The following CELA1 variants were observed in gnomAD, a reference collection of about 807,000 sequenced individuals.
CELA1 encodes the protein chymotrypsin like elastase 1.
In CELA1, 28 loss-of-function variants were observed where a neutral mutation model predicts 34.8. The observed-to-expected ratio is 0.80, with a 90% CI of 0.60 to 1.10. The LOEUF (loss-of-function observed/expected upper bound fraction) is 1.10. Among genes scored for constraint, CELA1 ranks in the 50% least tolerant of loss-of-function variants. The probability of loss-of-function intolerance (pLI) is 0.00; values close to 1 mark genes in which losing one functional copy is unlikely to be tolerated. For missense variants in CELA1, 288 were observed against 327.5 expected, an observed-to-expected ratio of 0.88 and a Z score of 0.93; for synonymous variants, 140 against 129.8, an observed-to-expected ratio of 1.08 and a Z score of -0.53.
chr12:51,346,042 T>G (rs1299886145), intron 1 of CELA1, among the ~76,000 whole-genome samples, 165 bp from the exon 2 acceptor site: 1 of 152,074 alleles, frequency 6.6e-6, no homozygotes, highest in African/African-American at 2.4e-5. Context: ...GAGCCCCTTT[T>G]GAAAACAGGG....
chr12:51,342,067 T>C (rs1221205537), intron 4 of CELA1, among the ~76,000 whole-genome samples: 1 of 152,034 alleles, frequency 6.6e-6, no homozygotes, highest in Non-Finnish European at 1.5e-5. Flanking sequence ...TGAGACAGAG[T>C]CTCACTCTGT....
intron 6 of CELA1, among the ~76,000 whole-genome samples, chr12:51,336,333 C>T (rs1946499247): frequency 1.3e-5 from 2 of 152,296 alleles, no homozygotes; most frequent in Middle Eastern, 3.4e-3. Context: ...GCTCTTCCCC[C>T]AGGCCCCACT....
At chr12:51,342,517 G>A (rs1946542281) in intron 4 of CELA1, 58 bp downstream of exon 4, 1 of 1,611,414 alleles carries the variant, frequency 6.2e-7, no homozygotes, top group Admixed American at 1.7e-5. Flanking sequence ...AAGGCAGCCA[G>A]TTGTTGGCTA....
At position 51,342,652 on chromosome 12, in the gene CELA1, A is replaced by T; in HGVS notation, c.249T>A (p.Asn83Lys). The change falls in exon 4 of 8, where the codon AAT becomes AAA. Residue 83 changes from asparagine to lysine, a missense_variant. Physicochemically the swap from Asn to Lys is moderately conservative, Grantham distance 94. Transcript: ENST00000293636. ...CACTCACGTACTGCTCAGTGCCATC[A>T]TTCTGGCTCAGGTTATGGTCTCCAG... ...VVAGDHNLSQ[N>K]DGTEQYVSVQ... The T allele has an allele frequency of 1.9e-6, 3 of 1,614,060 alleles. No homozygotes were observed. Among genetic ancestry groups the T allele is most frequent in the Non-Finnish European group, 2.5e-6 (3 of 1,180,000 alleles).
rs148155083 is a variant in CELA1 at position 51,345,737 on chromosome 12, A to G, written c.99+58T>C. ...CATGCACAAATACACATGATACCTT[A>G]TGTCATGCACTGAGCTCTTATTTGG... On this transcript the variant is annotated intron_variant, in intron 2 of 7. Coordinates refer to ENST00000293636, the MANE Select transcript of CELA1 (RefSeq NM_001971.6). 2.6e-4 allele frequency: 298 copies of G among 1,167,314 alleles called. 2 individuals are homozygous for G. In the East Asian group the frequency reaches 4.6e-3, roughly 18 times the overall value. The allele number at this position is 1,167,314 out of a possible 1,614,324, so 72.3% of individuals were successfully genotyped here.
chr12:51,337,539 C>CAA (rs33950532), intron 6 of CELA1, among the ~76,000 whole-genome samples: 47,378 of 69,012 alleles, frequency 0.69, 18,393 homozygotes, highest in South Asian at 0.82. Context: ...CTTATCTCTT[C>CAA]AAAAAAAAAA....
Position 51,346,634 on chromosome 12 carries a change from A to AT in CELA1, c.4_5insA (p.Leu2HisfsTer23). 6.3e-7 allele frequency: 1 copy of AT among 1,595,814 alleles called. No homozygotes were observed. Among genetic ancestry groups the AT allele is most frequent in the Non-Finnish European group, 8.6e-7 (1 of 1,164,216 alleles). On this transcript the variant is annotated frameshift_variant, in exon 1 of 8. Transcript: ENST00000293636. LOFTEE classifies it high-confidence loss of function. Reference sequence around the variant, plus strand: ...CCATATCCACTTACCATAAAGGACCAGCATGTTGCCGATGGAGTAGACCAC... The same window carrying AT: ...CCATATCCACTTACCATAAAGGACCATGCATGTTGCCGATGGAGTAGACCAC...
At chr12:51,340,388 CTT>C (rs11315182) in intron 5 of CELA1, among the ~76,000 whole-genome samples, 149 of 121,514 alleles carry the variant, frequency 1.2e-3, no homozygotes, top group African/African-American at 3.2e-3. Flanking sequence ...TTCTTTCTTT[CTT>C]TTTTTTTTTT....
intron 2 of CELA1, 40 bp from the exon 3 acceptor site, chr12:51,343,893 T>C (rs531852435): frequency 5.1e-6 from 6 of 1,179,282 alleles, no homozygotes; most frequent in Non-Finnish European, 6.2e-6. Context: ...GGTTGGTGTT[T>C]CTCAAATGGT....
chr12:51,344,213 G>T (rs1400857397), intron 2 of CELA1, among the ~76,000 whole-genome samples: 2 of 152,218 alleles, frequency 1.3e-5, no homozygotes, highest in East Asian at 3.8e-4. Context: ...TTGATAAGGG[G>T]TGTGTAGATG....
At chr12:51,329,400 G>A (rs772850015) in intron 7 of CELA1, among the ~76,000 whole-genome samples, 2 of 152,140 alleles carry the variant, frequency 1.3e-5, no homozygotes, top group Admixed American at 1.3e-4. Flanking sequence ...GACTTAGGAA[G>A]GCACTGATAT....
intron 1 of CELA1, among the ~76,000 whole-genome samples, chr12:51,346,127 C>T (rs1276898897): frequency 6.6e-6 from 1 of 152,018 alleles, no homozygotes; most frequent in East Asian, 1.9e-4. Flanking sequence ...TCTCAAACCA[C>T]CAGGCTAGGC....
chr12:51,340,096 G>T, intron 5 of CELA1, 91 bp from the exon 6 acceptor site: 1 of 1,230,130 alleles, frequency 8.1e-7, no homozygotes. Context: ...AAACTCTCGT[G>T]AAAGCTGAGC....
chr12:51,333,541 C>T (rs755717537), intron 6 of CELA1, among the ~76,000 whole-genome samples: 7 of 151,828 alleles, frequency 4.6e-5, no homozygotes, highest in Admixed American at 1.3e-4. Context: ...CCACAGTGTG[C>T]GCCACCTCGC....
Position 51,343,843 on chromosome 12 carries a change from T to C in CELA1, c.110A>G (p.Gln37Arg), listed in dbSNP as rs183586406. ...ATACCGGGAACCTCCAGACCGGTACTGGAGGGAAATCTAGATGGGGAGGAA... is the reference window on the plus strand; with the variant it reads ...ATACCGGGAACCTCCAGACCGGTACCGGAGGGAAATCTAGATGGGGAGGAA... ...RNSWPSQISL[Q>R]YRSGGSRYHT... Residue 37 changes from glutamine to arginine, a missense_variant, in exon 3 of 8, where the codon CAG becomes CGG. By Grantham distance (43) the Gln-to-Arg change is conservative. Coordinates refer to ENST00000293636, the MANE Select transcript of CELA1 (RefSeq NM_001971.6). 3.2e-6 allele frequency: 5 copies of C among 1,583,646 alleles called. No homozygotes were observed. In the East Asian group the frequency reaches 1.1e-4, roughly 35 times the overall value.
chr12:51,344,206 A>C (rs143420868), intron 2 of CELA1, among the ~76,000 whole-genome samples: 113 of 152,264 alleles, frequency 7.4e-4, no homozygotes, highest in African/African-American at 2.7e-3. Flanking sequence ...TGTGGCATTG[A>C]TAAGGGGTGT....
chr12:51,333,860 A>G (rs959401953), intron 6 of CELA1, among the ~76,000 whole-genome samples: 10 of 152,234 alleles, frequency 6.6e-5, no homozygotes, highest in East Asian at 3.8e-4. Flanking sequence ...AGATAAATGA[A>G]TTGTATATAA....
chr12:51,345,888 C>A lies in CELA1; in HGVS notation c.17-11G>T. 1.3e-6 allele frequency: 2 copies of A among 1,548,466 alleles called. No homozygotes were observed. The highest frequency in any genetic ancestry group is 1.4e-5 in the African/African-American group (1 of 72,756). On this transcript the variant is annotated splice_polypyrimidine_tract_variant and intron_variant, in intron 1 of 7. Coordinates refer to ENST00000293636, the MANE Select transcript of CELA1 (RefSeq NM_001971.6). ...CCTGGGTGCTGTGTCCTTTGTGGGG[C>A]AGAAGAAAAGTGAGTGATGACTAAG...
At chr12:51,331,493 C>G (rs1041726141) in intron 6 of CELA1, among the ~76,000 whole-genome samples, 14 of 152,154 alleles carry the variant, frequency 9.2e-5, no homozygotes, top group African/African-American at 3.4e-4. Flanking sequence ...TTGGAAATTA[C>G]AGATTTGATA....
Sources: gnomAD v4.1 joint callset for allele counts (sites outside exome capture counted in the v4.1 genomes callset) on GRCh38, gnomAD v4.1.1 for gene constraint, MANE v1.5 for transcripts, NCBI Gene and HGNC (gene_info 2026-07-23, HGNC 2026-07-21) for gene names.